GPBP1L1: variants seen among roughly 807,000 people sequenced by gnomAD.
GPBP1L1 encodes the protein GC-rich promoter binding protein 1 like 1.
GPBP1L1 carries 23 observed loss-of-function variants against 52.5 expected under a neutral mutation model. The ratio of observed to expected loss-of-function variants is 0.44; its 90% confidence interval spans 0.32 to 0.62. The LOEUF is 0.62. Ranked by LOEUF, GPBP1L1 falls within the 20% of genes least tolerant of loss-of-function variation. The probability of loss-of-function intolerance (pLI) is 0.06; values close to 1 mark genes in which losing one functional copy is unlikely to be tolerated. For missense variants in GPBP1L1, 596 were observed against 579.3 expected (o/e 1.03, Z -0.30); for synonymous variants, 243 against 203.1 (o/e 1.20, Z -1.67).
chr1:45,676,437 CA>C (rs1006044799), intron 2 of GPBP1L1, among the ~76,000 whole-genome samples: 21 of 151,690 alleles, frequency 1.4e-4, no homozygotes, highest in African/African-American at 4.8e-4. Flanking sequence ...CCCATCTCTA[CA>C]AAAAAACACA....
intron 2 of GPBP1L1, among the ~76,000 whole-genome samples, chr1:45,677,689 G>A (rs767939953): frequency 5.9e-5 from 9 of 152,174 alleles, no homozygotes; most frequent in East Asian, 1.9e-4. Flanking sequence ...CCCATAAGAG[G>A]TGCATGAGAG....
intron 6 of GPBP1L1, among the ~76,000 whole-genome samples, chr1:45,650,800 C>A (rs1403378101): frequency 1.3e-5 from 2 of 152,114 alleles, no homozygotes; most frequent in African/African-American, 4.8e-5. Flanking sequence ...TCTCCTTGAG[C>A]GATTTTATTT....
At chr1:45,646,709 C>T (rs1292780996) in intron 6 of GPBP1L1, among the ~76,000 whole-genome samples, 15 of 152,078 alleles carry the variant, frequency 9.9e-5, no homozygotes, top group Admixed American at 9.2e-4. Flanking sequence ...AGGCGCCCGC[C>T]ACCATGCCTG....
At chr1:45,653,759 C>T (rs928806389) in intron 6 of GPBP1L1, among the ~76,000 whole-genome samples, 7 of 145,698 alleles carry the variant, frequency 4.8e-5, no homozygotes, top group Admixed American at 2.1e-4. Flanking sequence ...AGTGTAATGG[C>T]GCAATCTCAG....
chr1:45,650,651 A>G (rs1644808716), intron 6 of GPBP1L1, among the ~76,000 whole-genome samples: 1 of 152,242 alleles, frequency 6.6e-6, no homozygotes, highest in African/African-American at 2.4e-5. Context: ...TCAGGTCCCA[A>G]AACATCTTCA....
At chr1:45,637,198 G>C (rs183613812) in intron 8 of GPBP1L1, among the ~76,000 whole-genome samples, 1 of 152,024 alleles carries the variant, frequency 6.6e-6, no homozygotes, top group Non-Finnish European at 1.5e-5. Flanking sequence ...GTATTATTTT[G>C]TGTCTCTAGT....
intron 2 of GPBP1L1, among the ~76,000 whole-genome samples, chr1:45,679,954 CGGGGGG>C (rs1557724375): frequency 1.0e-5 from 1 of 99,672 alleles, no homozygotes; most frequent in Non-Finnish European, 2.0e-5. Flanking sequence ...CCCAGCAGGG[CGGGGGG>C]TGGGGGCCCA....
chr1:45,666,273 G>A (rs1033606396), intron 2 of GPBP1L1, among the ~76,000 whole-genome samples: 2 of 151,594 alleles, frequency 1.3e-5, no homozygotes, highest in African/African-American at 4.8e-5. Flanking sequence ...AGCCTCCCAA[G>A]TAGCTGGGAC....
chr1:45,664,244 C>T (rs972939116), intron 2 of GPBP1L1, among the ~76,000 whole-genome samples: 45 of 151,910 alleles, frequency 3.0e-4, no homozygotes, highest in Admixed American at 1.8e-3. Flanking sequence ...GGCGGGAACC[C>T]GGGAGGTGAA....
intron 2 of GPBP1L1, among the ~76,000 whole-genome samples, chr1:45,670,608 G>C (rs1393201318): frequency 6.6e-6 from 1 of 151,872 alleles, no homozygotes; most frequent in Non-Finnish European, 1.5e-5. Flanking sequence ...TATACGGTAT[G>C]AGACCCAGGT....
At chr1:45,639,193 G>A (rs1644635807) in intron 8 of GPBP1L1, among the ~76,000 whole-genome samples, 1 of 41,456 alleles carries the variant, frequency 2.4e-5, no homozygotes, top group South Asian at 1.2e-3. Flanking sequence ...GAAGGCATGT[G>A]ATATATTCAA....
chr1:45,640,224 G>C lies in GPBP1L1; in HGVS notation c.730C>G (p.Pro244Ala). ...VYKNLVPKPV[P>A]PPSKPNAWKA... ...CTAAATCATACCTTGGAAGGAGGTG[G>C]TACAGGCTTAGGAACCAGGTTCTTA... Residue 244 changes from proline (P) to alanine (A), a missense_variant, in exon 8 of 13, where the codon CCA (proline) becomes GCA (alanine). Physicochemically the swap from Pro to Ala is conservative, Grantham distance 27 (BLOSUM62 -1). Transcript: ENST00000355105. 1 of 1,613,590 alleles carries C rather than the reference G, an allele frequency of 6.2e-7. No homozygotes were observed. Among genetic ancestry groups the C allele is most frequent in the Non-Finnish European group, 8.5e-7 (1 of 1,179,536 alleles).
intron 2 of GPBP1L1, among the ~76,000 whole-genome samples, chr1:45,675,157 C>T (rs1645123188): frequency 6.6e-6 from 1 of 151,832 alleles, no homozygotes; most frequent in South Asian, 2.1e-4. Flanking sequence ...ATTAGCTGGG[C>T]GTGGAGGTGC....
intron 2 of GPBP1L1, among the ~76,000 whole-genome samples, chr1:45,670,951 C>T (rs1435118775): frequency 6.6e-6 from 1 of 151,690 alleles, no homozygotes; most frequent in Non-Finnish European, 1.5e-5. Flanking sequence ...CGCCACCACA[C>T]CCAGCTAATT....
intron 11 of GPBP1L1, among the ~76,000 whole-genome samples, chr1:45,630,101 C>T (rs537477935): frequency 6.6e-6 from 1 of 152,294 alleles, no homozygotes; most frequent in African/African-American, 2.4e-5. Context: ...CAGGCGCACA[C>T]TACCATGCCC....
intron 6 of GPBP1L1, among the ~76,000 whole-genome samples, chr1:45,650,514 TTTAAC>T (rs906569875): frequency 1.3e-5 from 2 of 152,208 alleles, no homozygotes; most frequent in African/African-American, 4.8e-5. Flanking sequence ...ATTAGGACTA[TTTAAC>T]TTGCCCAGGT....
intron 8 of GPBP1L1, among the ~76,000 whole-genome samples, chr1:45,639,680 T>A (rs557176420): frequency 6.7e-5 from 10 of 149,560 alleles, no homozygotes; most frequent in Admixed American, 2.0e-4. Flanking sequence ...ATTGAGACCA[T>A]CCTGGCTAAC....
intron 2 of GPBP1L1, among the ~76,000 whole-genome samples, chr1:45,667,240 T>A (rs1569860827): frequency 6.6e-6 from 1 of 152,190 alleles, no homozygotes; most frequent in East Asian, 1.9e-4. Context: ...CAGTCAATGT[T>A]AATATTAAAT....
chr1:45,683,500 C>T (rs1321933020), intron 2 of GPBP1L1, among the ~76,000 whole-genome samples: 1 of 150,752 alleles, frequency 6.6e-6, no homozygotes, highest in Non-Finnish European at 1.5e-5. Flanking sequence ...CCACCGCGCC[C>T]GGCCTGAATA....
Sources: gnomAD v4.1 joint callset for allele counts (sites outside exome capture counted in the v4.1 genomes callset) on GRCh38, gnomAD v4.1.1 for gene constraint, MANE v1.5 for transcripts, NCBI Gene and HGNC (gene_info 2026-07-23, HGNC 2026-07-21) for gene names.